Variants in CLNK observed in about 807,000 individuals in gnomAD.
CLNK encodes cytokine dependent hematopoietic cell linker, also known as cytokine-dependent hematopoietic cell linker.
In CLNK, 74 loss-of-function variants were observed where a neutral mutation model predicts 68.6. The observed-to-expected ratio is 1.08, with a 90% CI of 0.89 to 1.31. The LOEUF (loss-of-function observed/expected upper bound fraction) is 1.31, where lower values mean the gene tolerates loss of function less well. Among genes scored for constraint, CLNK ranks in the 50% most tolerant of loss-of-function variants. CLNK has a pLI of 0.00. For synonymous variants in CLNK, 198 were observed against 172.2 expected, an observed-to-expected ratio of 1.15 and a Z score of -1.17; for missense variants, 553 against 515.3, an observed-to-expected ratio of 1.07 and a Z score of -0.71.
intron 15 of CLNK, among the ~76,000 whole-genome samples, chr4:10,514,631 CA>C (rs1245692672): frequency 6.6e-6 from 1 of 150,832 alleles, no homozygotes; most frequent in Non-Finnish European, 1.5e-5. Context: ...AACGTTAGAC[CA>C]AAAACCATAA....
chr4:10,586,173 C>A (rs1324850562), intron 3 of CLNK, among the ~76,000 whole-genome samples: 4 of 152,120 alleles, frequency 2.6e-5, no homozygotes, highest in Non-Finnish European at 5.9e-5. Flanking sequence ...GTTCCTAACA[C>A]ACCACAGACC....
At chr4:10,617,670 G>T (rs1473900412) in intron 2 of CLNK, among the ~76,000 whole-genome samples, 1 of 152,182 alleles carries the variant, frequency 6.6e-6, no homozygotes, top group Non-Finnish European at 1.5e-5. Flanking sequence ...GAAGCTTATG[G>T]TTTGATTTTC....
intron 18 of CLNK, 74 bp from the exon 19 acceptor site, chr4:10,490,687 G>A (rs1417507231): frequency 4.9e-6 from 6 of 1,214,470 alleles, no homozygotes; most frequent in African/African-American, 3.1e-5. Context: ...TAGCCAAGGT[G>A]CTTCATTTTG....
At chr4:10,702,585 T>C in the CLNK span, among the ~76,000 whole-genome samples, 1 of 152,190 alleles carries the variant, frequency 6.6e-6, no homozygotes, top group Non-Finnish European at 1.5e-5. Flanking sequence ...GCTTATAGAA[T>C]AGTGACATGT....
At chr4:10,647,673 T>C (rs1489199754) in intron 2 of CLNK, among the ~76,000 whole-genome samples, 4 of 152,156 alleles carry the variant, frequency 2.6e-5, no homozygotes, top group African/African-American at 9.7e-5. Flanking sequence ...AACCACTATG[T>C]CCTGGGTGAG....
the CLNK span, among the ~76,000 whole-genome samples, chr4:10,692,526 C>A: frequency 6.8e-4 from 103 of 152,248 alleles, no homozygotes; most frequent in Middle Eastern, 3.4e-3. Flanking sequence ...CAGATCCACT[C>A]ATGGAAAATT....
chr4:10,491,588 G>A (rs1456007655), intron 18 of CLNK, among the ~76,000 whole-genome samples: 1 of 152,168 alleles, frequency 6.6e-6, no homozygotes, highest in East Asian at 1.9e-4. Context: ...TTAACGGAAA[G>A]TAAGATTATT....
chr4:10,533,502 C>T (rs1297473492), intron 11 of CLNK, among the ~76,000 whole-genome samples: 6 of 152,128 alleles, frequency 3.9e-5, no homozygotes, highest in Non-Finnish European at 8.8e-5. Flanking sequence ...ATCAGGATTC[C>T]AGAAACACAC....
intron 2 of CLNK, among the ~76,000 whole-genome samples, chr4:10,652,507 T>C (rs1376056576): frequency 6.6e-6 from 1 of 150,992 alleles, no homozygotes; most frequent in Non-Finnish European, 1.5e-5. Flanking sequence ...TAAAATGATA[T>C]AAAAGATGGA....
intron 2 of CLNK, among the ~76,000 whole-genome samples, chr4:10,627,168 G>A (rs1256649735): frequency 1.3e-5 from 2 of 152,108 alleles, no homozygotes; most frequent in African/African-American, 4.8e-5. Context: ...TTTACTTGAC[G>A]AAAACTGTGA....
chr4:10,653,432 T>C (rs1723835179), intron 2 of CLNK, among the ~76,000 whole-genome samples: 1 of 152,086 alleles, frequency 6.6e-6, no homozygotes. Context: ...TTTTTACAAC[T>C]GCCATATGAT....
the CLNK span, among the ~76,000 whole-genome samples, chr4:10,723,638 C>T: frequency 6.6e-6 from 1 of 152,052 alleles, no homozygotes; most frequent in Non-Finnish European, 1.5e-5. Context: ...TTCTTTGAGG[C>T]AGGGACTATT....
intron 2 of CLNK, among the ~76,000 whole-genome samples, chr4:10,643,646 C>A (rs978841487): frequency 1.3e-5 from 2 of 152,224 alleles, no homozygotes; most frequent in African/African-American, 2.4e-5. Context: ...TATCCCCACT[C>A]TCACACATGA....
chr4:10,683,753 C>T (rs1725173378), intron 1 of CLNK, among the ~76,000 whole-genome samples: 1 of 152,156 alleles, frequency 6.6e-6, no homozygotes. Flanking sequence ...TTAACCAGCT[C>T]TACCATCGTC....
intron 2 of CLNK, among the ~76,000 whole-genome samples, chr4:10,627,952 T>C (rs1722741916): frequency 6.7e-6 from 1 of 150,314 alleles, no homozygotes; most frequent in Admixed American, 6.6e-5. Context: ...AGGGTTCTGC[T>C]GCAAGAGGTC....
upstream of CLNK, chr4:10,684,915 G>C (rs896981371): frequency 6.6e-6 from 1 of 152,134 alleles, no homozygotes; most frequent in Admixed American, 6.5e-5. Context: ...CCTCTTCTTA[G>C]GCTGGAGTGC....
chr4:10,542,187 A>G, intron 9 of CLNK, 68 bp downstream of exon 9: 4 of 1,196,664 alleles, frequency 3.3e-6, no homozygotes, highest in Non-Finnish European at 4.8e-6. Context: ...GAGTTTTTGC[A>G]TCATCTATAT....
At chr4:10,620,611 T>A (rs1577173805) in intron 2 of CLNK, among the ~76,000 whole-genome samples, 1 of 152,294 alleles carries the variant, frequency 6.6e-6, no homozygotes. Context: ...GGCAATTTGT[T>A]CTTACTCTGC....
At chr4:10,532,455 C>A (rs1157001187) in intron 11 of CLNK, among the ~76,000 whole-genome samples, 172 bp from the exon 12 acceptor site, 1 of 152,108 alleles carries the variant, frequency 6.6e-6, no homozygotes, top group Admixed American at 6.5e-5. Context: ...TTATTTTTCT[C>A]ATAATTTTCT....
Sources: gnomAD v4.1 joint callset for allele counts (sites outside exome capture counted in the v4.1 genomes callset) on GRCh38, gnomAD v4.1.1 for gene constraint, MANE v1.5 for transcripts, NCBI Gene and HGNC (gene_info 2026-07-23, HGNC 2026-07-21) for gene names.